MYT1L: variants seen among roughly 807,000 people sequenced by gnomAD.
MYT1L encodes myelin transcription factor 1-like protein.
A neutral mutation model predicts 126.7 loss-of-function variants in MYT1L; 12 were observed. The observed-to-expected ratio is 0.09, with a 90% CI of 0.06 to 0.15. The LOEUF is 0.15. MYT1L is among the 10% of genes least tolerant of loss of function. MYT1L has a pLI of 1.00. For synonymous variants in MYT1L, 541 were observed against 604.2 expected, an observed-to-expected ratio of 0.90 and a Z score of 1.53; for missense variants, 979 against 1,585.2, an observed-to-expected ratio of 0.62 and a Z score of 6.49.
chr2:2,257,115 T>A (rs1289737224), intron 2 of MYT1L, among the ~76,000 whole-genome samples: 1 of 152,116 alleles, frequency 6.6e-6, no homozygotes, highest in East Asian at 1.9e-4. Flanking sequence ...AACGTCCTTG[T>A]CTAAGAAGCC....
intron 4 of MYT1L, among the ~76,000 whole-genome samples, chr2:2,007,545 G>T (rs2063450346): frequency 6.6e-6 from 1 of 152,230 alleles, no homozygotes. Flanking sequence ...GTTGCTACCT[G>T]TGGAGATATT....
intron 8 of MYT1L, among the ~76,000 whole-genome samples, chr2:1,944,295 T>C (rs1301725831): frequency 1.3e-5 from 2 of 152,038 alleles, no homozygotes; most frequent in Non-Finnish European, 2.9e-5. Flanking sequence ...AGTGTTCTCA[T>C]TGAGAAAGAA....
At chr2:1,835,092 A>G (rs2148331345) in intron 21 of MYT1L, among the ~76,000 whole-genome samples, 1 of 150,816 alleles carries the variant, frequency 6.6e-6, no homozygotes, top group Middle Eastern at 3.5e-3. Flanking sequence ...ACGGGGATGG[A>G]TACAGGTGCT....
chr2:1,917,448 T>C lies in MYT1L; in HGVS notation c.1484-109A>G, dbSNP rs2053002447. 1.5e-6 allele frequency: 2 copies of C among 1,366,580 alleles called. No homozygotes were observed. The highest frequency in any genetic ancestry group is 2.1e-5 in the Admixed American group (1 of 46,752). The allele number at this position is 1,366,580 out of a possible 1,614,324, so 84.7% of individuals were successfully genotyped here. A position where few individuals can be genotyped will look rare whatever the true frequency, so the allele number is the denominator to read the frequency against. ...GCTAAAGAAAGAAATAAAGCAGGTGTCGGGGGCTAGGCTGTGACATCAGAC... is the reference window on the plus strand; with the variant it reads ...GCTAAAGAAAGAAATAAAGCAGGTGCCGGGGGCTAGGCTGTGACATCAGAC... On this transcript the variant is annotated intron_variant, in intron 10 of 24. Coordinates refer to ENST00000647738, the MANE Select transcript of MYT1L (RefSeq NM_001303052.2). This position sits in a 1 kb window ranked among gnomAD's most constrained non-coding sequence, Gnocchi z 5.9.
intron 19 of MYT1L, among the ~76,000 whole-genome samples, chr2:1,849,690 G>A (rs1024501086): frequency 2.0e-5 from 3 of 152,254 alleles, no homozygotes; most frequent in African/African-American, 7.2e-5. Context: ...TGAGGAATCT[G>A]GGTGAAGAGC....
intron 2 of MYT1L, among the ~76,000 whole-genome samples, chr2:2,216,100 C>T (rs2093669860): frequency 6.6e-6 from 1 of 152,028 alleles, no homozygotes; most frequent in Admixed American, 6.6e-5. Context: ...TTTAAGCTTC[C>T]TGAGACCTCC....
chr2:2,190,198 T>G (rs1031666655), intron 2 of MYT1L, among the ~76,000 whole-genome samples: 2 of 152,174 alleles, frequency 1.3e-5, no homozygotes, highest in South Asian at 2.1e-4. Flanking sequence ...GGCTCATGCC[T>G]GTAGTCCCAG....
intron 9 of MYT1L, among the ~76,000 whole-genome samples, chr2:1,930,008 G>A (rs548550683): frequency 6.6e-6 from 1 of 152,152 alleles, no homozygotes; most frequent in Non-Finnish European, 1.5e-5. Context: ...CATCTGCTTC[G>A]AGTCAGAAAG....
At chr2:1,873,110 C>G (rs940300100) in intron 18 of MYT1L, among the ~76,000 whole-genome samples, 2 of 152,134 alleles carry the variant, frequency 1.3e-5, no homozygotes, top group African/African-American at 2.4e-5. Context: ...AGAGAGGGTC[C>G]GCTCTCCAGG....
At chr2:1,813,496 G>A (rs2148038984) in intron 21 of MYT1L, among the ~76,000 whole-genome samples, 1 of 152,266 alleles carries the variant, frequency 6.6e-6, no homozygotes, top group East Asian at 1.9e-4. Context: ...ACTCCCGGCC[G>A]TGGCCTGTGA....
intron 2 of MYT1L, among the ~76,000 whole-genome samples, chr2:2,220,884 C>A (rs1048170579): frequency 6.6e-5 from 10 of 151,924 alleles, no homozygotes; most frequent in Admixed American, 6.6e-4. Context: ...ACTTCCAATA[C>A]CCAGAATTGT....
At chr2:2,105,547 T>C (rs1465222449) in intron 3 of MYT1L, among the ~76,000 whole-genome samples, 2 of 152,222 alleles carry the variant, frequency 1.3e-5, no homozygotes, top group African/African-American at 2.4e-5. Flanking sequence ...TAATATGTTC[T>C]TTTTTAATGA....
At position 1,887,871 on chromosome 2, in the gene MYT1L, GAC is replaced by G. The variant is rs1362051694; in HGVS notation, c.2521-264_2521-263del. ...TTCACCTGGCTGTGCTCATCACATGGACACACACACGGTCTGGTAGCCAGAGA... is the reference window on the plus strand; with the variant it reads ...TTCACCTGGCTGTGCTCATCACATGGACACACACGGTCTGGTAGCCAGAGA... On this transcript the variant is annotated intron_variant, in intron 16 of 24. Coordinates refer to ENST00000647738, the MANE Select transcript of MYT1L (RefSeq NM_001303052.2). This position sits in a 1 kb window ranked among gnomAD's most constrained non-coding sequence, Gnocchi z 4.8. Among the ~76,000 whole-genome samples the G allele has an allele frequency of 6.6e-6, 1 of 152,122 alleles. No homozygotes were observed. Among genetic ancestry groups the G allele is most frequent in the Non-Finnish European group, 1.5e-5 (1 of 68,024 alleles).
At chr2:1,832,934 A>G (rs998655951) in intron 21 of MYT1L, among the ~76,000 whole-genome samples, 1 of 152,232 alleles carries the variant, frequency 6.6e-6, no homozygotes, top group Non-Finnish European at 1.5e-5. Context: ...TCTAAAGAGC[A>G]GGCCACGGTA....
At chr2:2,125,611 C>T (rs1575346701) in intron 3 of MYT1L, among the ~76,000 whole-genome samples, 1 of 151,926 alleles carries the variant, frequency 6.6e-6, no homozygotes, top group South Asian at 2.1e-4. Flanking sequence ...TCCTTGAATA[C>T]CCAAGCTCAA....
At chr2:1,958,652 C>T (rs1011835621) in intron 8 of MYT1L, among the ~76,000 whole-genome samples, 7 of 152,202 alleles carry the variant, frequency 4.6e-5, no homozygotes, top group South Asian at 2.1e-4. Context: ...TTTCTACACT[C>T]GTGATCCCGG....
At chr2:2,028,216 C>A (rs150024516) in intron 4 of MYT1L, among the ~76,000 whole-genome samples, 2 of 152,246 alleles carry the variant, frequency 1.3e-5, no homozygotes, top group South Asian at 2.1e-4. Flanking sequence ...GTGCCAGCAC[C>A]GATCAGCTTG....
chr2:2,148,163 T>A (rs1277531533), intron 3 of MYT1L, among the ~76,000 whole-genome samples: 1 of 152,162 alleles, frequency 6.6e-6, no homozygotes, highest in African/African-American at 2.4e-5. Context: ...GGCAGAGATA[T>A]CTAGCAATGA....
Position 1,889,188 on chromosome 2 carries a change from G to A in MYT1L, c.2520+53C>T, listed in dbSNP as rs1321121952. The A allele has an allele frequency of 6.8e-6, 10 of 1,472,246 alleles. No homozygotes were observed. Among genetic ancestry groups the A allele is most frequent in the African/African-American group, 1.4e-5 (1 of 71,526 alleles). The allele number at this position is 1,472,246 out of a possible 1,614,324, so 91.2% of individuals were successfully genotyped here. ...GTGCAAATGGCTTTTCTTTCAGCTG[G>A]GGCCCCATTTTTAAGTCTGGCAGTC... On this transcript the variant is annotated intron_variant, in intron 16 of 24. Coordinates refer to ENST00000647738, the MANE Select transcript of MYT1L (RefSeq NM_001303052.2). The surrounding 1 kb of genome is among the most constrained non-coding windows in gnomAD (Gnocchi z 4.1).
Sources: gnomAD v4.1 joint callset for allele counts (sites outside exome capture counted in the v4.1 genomes callset) on GRCh38, gnomAD v4.1.1 for gene constraint, Gnocchi (gnomAD v3.1) non-coding constraint, MANE v1.5 for transcripts, NCBI Gene and HGNC (gene_info 2026-07-23, HGNC 2026-07-21) for gene names.